PZP: variants seen among roughly 807,000 people sequenced by gnomAD.
The protein encoded by PZP is pregnancy zone protein.
A neutral mutation model predicts 179.8 loss-of-function variants in PZP; 150 were observed. The ratio of observed to expected loss-of-function variants is 0.83; its 90% CI spans 0.73 to 0.96. PZP has a LOEUF of 0.96. Ranked by LOEUF, PZP falls within the 40% of genes least tolerant of loss-of-function variation. The pLI, the probability that PZP is intolerant of heterozygous loss-of-function variation, is 0.00. For missense variants in PZP, 1,689 were observed against 1,764.0 expected (o/e 0.96, Z 0.76); for synonymous variants, 624 against 652.3 (o/e 0.96, Z 0.66).
Position 9,160,378 on chromosome 12 carries a change from A to G in PZP, c.2985T>C (p.Tyr995=). 1 of 1,614,180 alleles carries G rather than the reference A, an allele frequency of 6.2e-7. No individual in the cohort carries two copies. The highest frequency in any genetic ancestry group is 2.2e-5 in the East Asian group (1 of 44,866). Residue 995 remains tyrosine, a synonymous_variant, in exon 24 of 36, where the codon TAT becomes TAC. Transcript: ENST00000261336. The part of the protein sequence containing the change: ...LFAPNIYVLN[Y]LNETQQLTQE... ...GCGTCAGCTGCTGGGTTTCATTCAGATAGTTCAAGACATAGATGTTAGGAG... is the reference window on the plus strand; with the variant it reads ...GCGTCAGCTGCTGGGTTTCATTCAGGTAGTTCAAGACATAGATGTTAGGAG...
downstream of PZP, among the ~76,000 whole-genome samples, chr12:9,147,477 T>C (rs940479779): frequency 2.0e-5 from 3 of 152,206 alleles, no homozygotes; most frequent in African/African-American, 7.2e-5. Flanking sequence ...TCATAAGCCG[T>C]AGCATGTCCT....
chr12:9,201,285 A>C, intron 5 of PZP, 42 bp downstream of exon 5: 1 of 1,491,460 alleles, frequency 6.7e-7, no homozygotes, highest in Non-Finnish European at 9.3e-7. Context: ...CTACTCTCTA[A>C]AAGCACTAAT....
At chr12:9,156,327 T>A in intron 28 of PZP, 1 of 208,870 alleles carries the variant, frequency 4.8e-6, no homozygotes. Flanking sequence ...TTTGTCCTAC[T>A]GACCATCTTC....
intron 28 of PZP, 84 bp from the exon 29 acceptor site, chr12:9,154,923 C>T: frequency 7.6e-7 from 1 of 1,316,694 alleles, no homozygotes; most frequent in South Asian, 1.4e-5. Flanking sequence ...ATTCATAATA[C>T]ATGGAGCTGA....
intron 17 of PZP, 40 bp downstream of exon 17, chr12:9,168,829 T>C (rs747493400): frequency 1.4e-6 from 2 of 1,464,814 alleles, no homozygotes; most frequent in African/African-American, 2.8e-5. Context: ...AGTAATATTG[T>C]TGGACATGAA....
intron 15 of PZP, among the ~76,000 whole-genome samples, chr12:9,172,632 A>G (rs1942076323): frequency 6.6e-6 from 1 of 152,202 alleles, no homozygotes; most frequent in Non-Finnish European, 1.5e-5. Context: ...AAATAAAGGG[A>G]TGGAGGAAAA....
At chr12:9,195,145 T>C (rs984291433) in intron 10 of PZP, among the ~76,000 whole-genome samples, 5 of 152,172 alleles carry the variant, frequency 3.3e-5, no homozygotes, top group African/African-American at 9.7e-5. Context: ...ATATCTCAAT[T>C]ATGCTGATTG....
intron 22 of PZP, 70 bp downstream of exon 22, chr12:9,162,527 G>T: frequency 2.0e-6 from 2 of 1,023,462 alleles, no homozygotes; most frequent in Non-Finnish European, 3.0e-6. Context: ...AAATGAATGT[G>T]CATTGTAACT....
chr12:9,184,966 C>T (rs896255750), intron 13 of PZP, among the ~76,000 whole-genome samples: 4 of 152,120 alleles, frequency 2.6e-5, no homozygotes, highest in South Asian at 2.1e-4. Context: ...AACATCAGCC[C>T]GCAAAGATGA....
intron 17 of PZP, chr12:9,168,517 T>C (rs922126456): frequency 5.2e-6 from 1 of 191,960 alleles, no homozygotes; most frequent in Admixed American, 5.9e-5. Context: ...TGAAGCCCTT[T>C]GTCCTTCTTT....
chr12:9,152,006 G>A (rs1940392234), intron 32 of PZP, among the ~76,000 whole-genome samples: 2 of 152,020 alleles, frequency 1.3e-5, no homozygotes, highest in Non-Finnish European at 2.9e-5. Context: ...AACTATGAGT[G>A]GCCTAAGGAT....
intron 7 of PZP, among the ~76,000 whole-genome samples, chr12:9,199,742 T>C (rs891959847): frequency 2.0e-5 from 3 of 152,108 alleles, no homozygotes; most frequent in Non-Finnish European, 2.9e-5. Context: ...AAAAAACTAC[T>C]GTAGAGGAGG....
chr12:9,181,207 G>C (rs1168142671), intron 14 of PZP, 75 bp from the exon 15 acceptor site: 1 of 1,586,838 alleles, frequency 6.3e-7, no homozygotes, highest in African/African-American at 1.3e-5. Flanking sequence ...CATTTCCTAA[G>C]CCACCCTTAT....
intron 1 of PZP, among the ~76,000 whole-genome samples, chr12:9,205,097 AAAAAC>A (rs781081884): frequency 2.0e-5 from 3 of 152,324 alleles, no homozygotes; most frequent in East Asian, 1.9e-4. Context: ...TGTTTCAAAA[AAAAAC>A]AAAACAAAGT....
At chr12:9,165,553 G>T (rs1038445077) in intron 18 of PZP, among the ~76,000 whole-genome samples, 186 bp from the exon 19 acceptor site, 2 of 152,122 alleles carry the variant, frequency 1.3e-5, no homozygotes, top group South Asian at 2.1e-4. Flanking sequence ...GCCACTGAAT[G>T]GTACCTCTCC....
Position 9,170,284 on chromosome 12 carries a change from G to A in PZP, c.1840-693C>T, listed in dbSNP as rs1941903692. On this transcript the variant is annotated intron_variant, in intron 15 of 35. Transcript: ENST00000261336. This position sits in a 1 kb window ranked among gnomAD's most constrained non-coding sequence, Gnocchi z 4.6. The stretch of plus-strand genomic sequence containing the variant: ...CTCCCAAGGATCTCTGCAACCCATG[G>A]ATCAGGAGATACCCTTGTGAGCCCA... 6.6e-6 allele frequency among the ~76,000 whole-genome samples: 1 copy of A among 152,166 alleles called. No homozygotes were observed. The highest frequency in any genetic ancestry group is 1.5e-5 in the Non-Finnish European group (1 of 68,032).
intron 22 of PZP, chr12:9,162,236 A>T: frequency 5.7e-6 from 1 of 174,370 alleles, no homozygotes; most frequent in Non-Finnish European, 1.2e-5. Context: ...TGCTGGGATT[A>T]CAAATGTGAG....
intron 13 of PZP, among the ~76,000 whole-genome samples, chr12:9,184,097 A>G (rs1942948106): frequency 6.6e-6 from 1 of 152,240 alleles, no homozygotes; most frequent in South Asian, 2.1e-4. Flanking sequence ...GAATAGTGGT[A>G]GGAAATTAAA....
intron 22 of PZP, 108 bp from the exon 23 acceptor site, chr12:9,161,224 C>T (rs1941181809): frequency 2.2e-6 from 2 of 906,020 alleles, no homozygotes; most frequent in Non-Finnish European, 3.3e-6. Context: ...GGATATGGTA[C>T]TGGCCCTGCT....
Sources: gnomAD v4.1 joint callset for allele counts (sites outside exome capture counted in the v4.1 genomes callset) on GRCh38, gnomAD v4.1.1 for gene constraint, Gnocchi (gnomAD v3.1) non-coding constraint, MANE v1.5 for transcripts, NCBI Gene and HGNC (gene_info 2026-07-23, HGNC 2026-07-21) for gene names.